Variants in RIC8B observed in about 807,000 individuals in gnomAD.
RIC8B encodes the protein RIC8 guanine nucleotide exchange factor B.
RIC8B carries 16 observed loss-of-function variants against 57.5 expected under a neutral mutation model. That is an observed-to-expected ratio of 0.28 (90% CI 0.19 to 0.42). The LOEUF (loss-of-function observed/expected upper bound fraction) is 0.42. RIC8B is among the 10% of genes least tolerant of loss of function. The pLI is 1.00. For missense variants in RIC8B, 481 were observed against 677.0 expected, an observed-to-expected ratio of 0.71 and a Z score of 3.21; for synonymous variants, 216 against 250.8, an observed-to-expected ratio of 0.86 and a Z score of 1.31.
chr12:106,788,766 T>C (rs1267894969), intron 2 of RIC8B, among the ~76,000 whole-genome samples: 24 of 152,120 alleles, frequency 1.6e-4, no homozygotes, highest in Non-Finnish European at 1.5e-5. Context: ...GCCCGGCCCA[T>C]TAAACCATTT....
intron 3 of RIC8B, among the ~76,000 whole-genome samples, chr12:106,819,426 A>G (rs1403172079): frequency 1.3e-5 from 2 of 152,174 alleles, no homozygotes; most frequent in African/African-American, 2.4e-5. Context: ...GAAATAATAC[A>G]TACTTATAAG....
At chr12:106,863,655 T>C (rs1189687891) in intron 8 of RIC8B, among the ~76,000 whole-genome samples, 1 of 152,120 alleles carries the variant, frequency 6.6e-6, no homozygotes, top group Non-Finnish European at 1.5e-5. Context: ...TTATGTAAAA[T>C]AGCATTTCTG....
rs529092830 is a variant in RIC8B, at chr12:106,887,202, T to A, written c.*1187T>A. On this transcript the variant is annotated 3_prime_UTR_variant, in exon 10 of 10. Transcript: ENST00000392837. Reference sequence around the variant, plus strand: ...TATGTATATACACACGTACATACATTCATATATATACATATATACATAATG... The same window carrying A: ...TATGTATATACACACGTACATACATACATATATATACATATATACATAATG... 3.0e-4 allele frequency: 46 copies of A among 152,582 alleles called. No individual in the cohort carries two copies. Among genetic ancestry groups the A allele is most frequent in the African/African-American group, 1.0e-3 (43 of 41,424 alleles). The allele number at this position is 152,582 out of a possible 1,614,324, so 9.5% of individuals were successfully genotyped here.
chr12:106,788,780 C>G (rs1341442195), intron 2 of RIC8B, among the ~76,000 whole-genome samples: 1 of 152,136 alleles, frequency 6.6e-6, no homozygotes, highest in Non-Finnish European at 1.5e-5. Flanking sequence ...ACCATTTTTC[C>G]CTCCTAGGCT....
At chr12:106,875,318 C>T (rs1294724349) in intron 9 of RIC8B, among the ~76,000 whole-genome samples, 1 of 152,046 alleles carries the variant, frequency 6.6e-6, no homozygotes, top group African/African-American at 2.4e-5. Context: ...ATGAAATTTG[C>T]CTGCCTCTTC....
chr12:106,827,254 A>T (rs1308763274), intron 4 of RIC8B, among the ~76,000 whole-genome samples: 1 of 152,174 alleles, frequency 6.6e-6, no homozygotes, highest in African/African-American at 2.4e-5. Context: ...TCATGATGCT[A>T]CTCATGATGC....
At chr12:106,885,665 A>T (rs190566647) in intron 9 of RIC8B, among the ~76,000 whole-genome samples, 1 of 151,644 alleles carries the variant, frequency 6.6e-6, no homozygotes, top group African/African-American at 2.4e-5. Flanking sequence ...TCATACTTTT[A>T]ATTGGCTTAG....
At chr12:106,870,373 T>C (rs548881992) in intron 8 of RIC8B, among the ~76,000 whole-genome samples, 30 of 152,192 alleles carry the variant, frequency 2.0e-4, no homozygotes, top group Non-Finnish European at 3.5e-4. Context: ...TGGCATGCTT[T>C]CATTTCCAGA....
chr12:106,842,899 G>A, intron 5 of RIC8B, 82 bp downstream of exon 5: 8 of 806,550 alleles, frequency 9.9e-6, no homozygotes, highest in African/African-American at 1.7e-5. Flanking sequence ...ACATCACAGA[G>A]CATGATTTTT....
chr12:106,851,643 T>C, intron 7 of RIC8B, 49 bp downstream of exon 7: 1 of 1,539,438 alleles, frequency 6.5e-7, no homozygotes, highest in Non-Finnish European at 8.9e-7. Flanking sequence ...AGAGGGACTT[T>C]GAGAAATTTA....
intron 9 of RIC8B, among the ~76,000 whole-genome samples, chr12:106,871,979 A>G (rs1229324312): frequency 6.6e-6 from 1 of 152,222 alleles, no homozygotes. Flanking sequence ...CACGCTGCAG[A>G]GTATGATGCT....
At chr12:106,828,390 C>G (rs754793369) in intron 4 of RIC8B, among the ~76,000 whole-genome samples, 1 of 152,120 alleles carries the variant, frequency 6.6e-6, no homozygotes, top group Non-Finnish European at 1.5e-5. Context: ...CTGTAGTGAT[C>G]CTGAAAACAA....
intron 5 of RIC8B, 131 bp downstream of exon 5, chr12:106,842,948 T>A: frequency 1.8e-6 from 1 of 564,154 alleles, no homozygotes. Flanking sequence ...GCTGCATAAT[T>A]GTTTTTACTT....
chr12:106,851,766 C>A (rs573686512), intron 7 of RIC8B, among the ~76,000 whole-genome samples, 172 bp downstream of exon 7: 1 of 152,146 alleles, frequency 6.6e-6, no homozygotes, highest in Non-Finnish European at 1.5e-5. Context: ...CATTTGTATA[C>A]GCTTCTGAAT....
chr12:106,796,604 A>G (rs1234866149), intron 2 of RIC8B, among the ~76,000 whole-genome samples: 1 of 152,224 alleles, frequency 6.6e-6, no homozygotes, highest in African/African-American at 2.4e-5. Flanking sequence ...GAAAACATAA[A>G]GGTAAATCTT....
chr12:106,815,485 G>A (rs2045532425), intron 3 of RIC8B, among the ~76,000 whole-genome samples, 181 bp downstream of exon 3: 1 of 152,168 alleles, frequency 6.6e-6, no homozygotes, highest in African/African-American at 2.4e-5. Flanking sequence ...CTTTCCATTT[G>A]TGTGATAACA....
At chr12:106,850,043 G>A (rs1009526613) in intron 6 of RIC8B, among the ~76,000 whole-genome samples, 1 of 152,204 alleles carries the variant, frequency 6.6e-6, no homozygotes, top group African/African-American at 2.4e-5. Context: ...CCTGAGCGCC[G>A]CCTACTGTCG....
intron 1 of RIC8B, chr12:106,775,558 T>C (rs963500709): frequency 6.3e-6 from 2 of 318,294 alleles, no homozygotes; most frequent in African/African-American, 4.3e-5. Flanking sequence ...ATTGAGACTC[T>C]AGATTGGTTA....
chr12:106,821,659 A>AT (rs542039415), intron 3 of RIC8B, among the ~76,000 whole-genome samples: 28 of 152,330 alleles, frequency 1.8e-4, no homozygotes, highest in Non-Finnish European at 2.2e-4. Context: ...ATTAAAGTGA[A>AT]TTCATCAAAA....
Sources: allele counts gnomAD v4.1 joint callset (sites outside exome capture counted in the v4.1 genomes callset), GRCh38; gene constraint gnomAD v4.1.1; transcripts MANE v1.5; gene names NCBI Gene and HGNC (gene_info 2026-07-23, HGNC 2026-07-21).